The following LAMA2 variants were observed in gnomAD, a reference collection of about 807,000 sequenced individuals.
The protein encoded by LAMA2 is laminin subunit alpha 2.
Under a neutral mutation model 364.8 loss-of-function variants are expected in LAMA2, and 269 were observed. That is an observed-to-expected ratio of 0.74 (90% confidence interval 0.67 to 0.82). LAMA2 has a LOEUF of 0.82. Among genes scored for constraint, LAMA2 ranks in the 40% least tolerant of loss-of-function variants. LAMA2 has a pLI of 0.00. For missense variants in LAMA2, 3,807 were observed against 3,873.2 expected (o/e 0.98, Z 0.45); for synonymous variants, 1,379 against 1,370.6 (o/e 1.01, Z -0.14).
chr6:129,029,427 T>C (rs1786069334), intron 1 of LAMA2, among the ~76,000 whole-genome samples: 1 of 152,040 alleles, frequency 6.6e-6, no homozygotes, highest in Non-Finnish European at 1.5e-5. Context: ...GAATATTTAA[T>C]TGGAGAACAA....
chr6:129,470,717 A>G (rs565056320), intron 51 of LAMA2, among the ~76,000 whole-genome samples: 1 of 152,026 alleles, frequency 6.6e-6, no homozygotes, highest in East Asian at 1.9e-4. Context: ...CTTTAGCAAG[A>G]CCAGAGATGA....
In LAMA2 at chr6:129,192,660, G is replaced by A. The variant is rs760007927; in HGVS notation, c.1609-20G>A. On this transcript the variant is annotated intron_variant, in intron 11 of 64. Transcript: ENST00000421865. Reference sequence around the variant, plus strand: ...TAGATATTTTTTAAAAATTAATGATGACTGTGTGTTTTCTCTAAGATACAA... The same window carrying A: ...TAGATATTTTTTAAAAATTAATGATAACTGTGTGTTTTCTCTAAGATACAA... 5 of 1,609,674 alleles carry A rather than the reference G, an allele frequency of 3.1e-6. No homozygotes were observed. In the South Asian group the frequency reaches 4.4e-5, roughly 14 times the overall value.
intron 8 of LAMA2, among the ~76,000 whole-genome samples, chr6:129,155,547 A>G (rs1237577088): frequency 6.6e-6 from 1 of 152,078 alleles, no homozygotes; most frequent in Non-Finnish European, 1.5e-5. Context: ...TTTTTATCCT[A>G]AAAACCAAAA....
rs948138249 is a variant in LAMA2, at chr6:129,389,011, C to T, written c.5072-2480C>T. 2.0e-5 allele frequency among the ~76,000 whole-genome samples: 3 copies of T among 152,176 alleles called. No individual in the cohort carries two copies. In the East Asian group the frequency reaches 5.8e-4, roughly 29 times the overall value. Reference sequence around the variant, plus strand: ...TGGACCAGGGAGCTTTCAAACTAATCAGCCTATGGTTACTGTGATTCTGTA... The same window carrying T: ...TGGACCAGGGAGCTTTCAAACTAATTAGCCTATGGTTACTGTGATTCTGTA... On this transcript the variant is annotated intron_variant, in intron 35 of 64. Coordinates refer to ENST00000421865, the MANE Select transcript of LAMA2 (RefSeq NM_000426.4).
chr6:129,116,795 A>G lies in LAMA2; in HGVS notation c.639+18380A>G, dbSNP rs558343950. Among the ~76,000 whole-genome samples the G allele has an allele frequency of 7.2e-5, 11 of 152,114 alleles. No individual in the cohort carries two copies. In the South Asian group the frequency reaches 1.9e-3, roughly 26 times the overall value. ...CTTGCAGGTTGTCTGGTTTTTTACT[A>G]TTTTTCTTATCCATAGCAAGGTTGG... On this transcript the variant is annotated intron_variant, in intron 4 of 64. Transcript: ENST00000421865.
intron 18 of LAMA2, among the ~76,000 whole-genome samples, chr6:129,282,864 G>T (rs971133129): frequency 1.3e-5 from 2 of 152,124 alleles, no homozygotes; most frequent in African/African-American, 4.8e-5. Context: ...GGCTTTCAGA[G>T]CTCGGGGTCT....
chr6:129,320,977 C>T (rs576009601), intron 28 of LAMA2, among the ~76,000 whole-genome samples: 2 of 152,168 alleles, frequency 1.3e-5, no homozygotes, highest in South Asian at 4.2e-4. Flanking sequence ...ATTTAAACTG[C>T]AATGATTAGG....
At chr6:128,969,646 T>C (rs1782067373) in intron 1 of LAMA2, among the ~76,000 whole-genome samples, 1 of 151,990 alleles carries the variant, frequency 6.6e-6, no homozygotes, top group Admixed American at 6.6e-5. Flanking sequence ...GTCCAGGCTG[T>C]TCTCAAACTC....
chr6:129,354,732 T>C (rs1777055871), intron 32 of LAMA2, among the ~76,000 whole-genome samples: 1 of 152,210 alleles, frequency 6.6e-6, no homozygotes, highest in Non-Finnish European at 1.5e-5. Context: ...CTGGGGTAGA[T>C]AATATAATGG....
At chr6:129,372,251 T>C (rs1406920762) in intron 34 of LAMA2, among the ~76,000 whole-genome samples, 2 of 152,218 alleles carry the variant, frequency 1.3e-5, no homozygotes, top group Non-Finnish European at 2.9e-5. Flanking sequence ...ACCGTTGTTG[T>C]AAAATATAGA....
At chr6:129,387,696 T>C (rs1037070043) in intron 35 of LAMA2, among the ~76,000 whole-genome samples, 4 of 152,154 alleles carry the variant, frequency 2.6e-5, no homozygotes, top group Non-Finnish European at 5.9e-5. Context: ...GTGGTACATA[T>C]ACACCATGGA....
intron 20 of LAMA2, among the ~76,000 whole-genome samples, chr6:129,295,714 G>T (rs111342963): frequency 5.2e-4 from 79 of 151,806 alleles, no homozygotes; most frequent in African/African-American, 1.8e-3. Flanking sequence ...ATTTAAAGGG[G>T]TGTACACACA....
At chr6:129,239,378 A>T (rs994289685) in intron 12 of LAMA2, among the ~76,000 whole-genome samples, 7 of 152,224 alleles carry the variant, frequency 4.6e-5, no homozygotes, top group African/African-American at 1.7e-4. Flanking sequence ...GTATTGCTGT[A>T]CCCTATATAA....
At chr6:129,156,998 A>G (rs79635663) in intron 8 of LAMA2, among the ~76,000 whole-genome samples, 3 of 151,092 alleles carry the variant, frequency 2.0e-5, no homozygotes, top group Non-Finnish European at 3.0e-5. Context: ...GTGCATGGAG[A>G]CACACACACA....
intron 1 of LAMA2, among the ~76,000 whole-genome samples, chr6:128,987,804 A>G (rs1202857280): frequency 1.3e-5 from 2 of 152,176 alleles, no homozygotes; most frequent in Non-Finnish European, 2.9e-5. Flanking sequence ...ATCTGTGGTA[A>G]GGATTAAATG....
chr6:129,045,820 C>T (rs796741940), intron 1 of LAMA2, among the ~76,000 whole-genome samples: 15 of 152,330 alleles, frequency 9.8e-5, no homozygotes, highest in African/African-American at 3.6e-4. Flanking sequence ...CTGGCCTGCT[C>T]CAATCAGGTC....
chr6:129,254,473 G>A (rs542614187), intron 14 of LAMA2, among the ~76,000 whole-genome samples: 2 of 152,290 alleles, frequency 1.3e-5, no homozygotes, highest in South Asian at 4.1e-4. Flanking sequence ...AGCTGCAAAA[G>A]CACTTGGCTA....
In LAMA2 at chr6:129,426,172, C is replaced by G. The variant is rs116317528; in HGVS notation, c.5866-1580C>G. ...ATCCCTTTCCAAATTGACTCAGACT[C>G]CTGAGCTTCAAAAATTCCTCTCTCC... On this transcript the variant is annotated intron_variant, in intron 40 of 64. Transcript: ENST00000421865. 4.9e-3 allele frequency among the ~76,000 whole-genome samples: 745 copies of G among 152,248 alleles called. 4 individuals carry two copies. The highest frequency in any genetic ancestry group is 0.017 in the African/African-American group (727 of 41,548).
At chr6:129,444,250 G>A (rs751622997) in intron 44 of LAMA2, among the ~76,000 whole-genome samples, 2 of 152,164 alleles carry the variant, frequency 1.3e-5, no homozygotes, top group Non-Finnish European at 2.9e-5. Flanking sequence ...CTGAGAACTT[G>A]TGAATAAAAG....
Sources: allele counts gnomAD v4.1 joint callset (sites outside exome capture counted in the v4.1 genomes callset), GRCh38; gene constraint gnomAD v4.1.1; transcripts MANE v1.5; gene names NCBI Gene and HGNC (gene_info 2026-07-23, HGNC 2026-07-21).